Variants in CAMK2D observed in about 807,000 individuals in gnomAD.
The protein encoded by CAMK2D is calcium/calmodulin dependent protein kinase II delta.
In CAMK2D, 37 loss-of-function variants were observed where a neutral mutation model predicts 84.0. That is an observed-to-expected ratio of 0.44 (90% confidence interval 0.34 to 0.58). CAMK2D has a LOEUF of 0.58. CAMK2D is among the 20% of genes least tolerant of loss of function. CAMK2D has a pLI of 0.02. For missense variants in CAMK2D, 448 were observed against 652.5 expected (o/e 0.69, Z 3.41); for synonymous variants, 202 against 212.5 (o/e 0.95, Z 0.43).
rs1285876726 is a variant in CAMK2D, at chr4:113,720,390, A to T, written c.160+38930T>A. Among the ~76,000 whole-genome samples, 4 of 150,830 alleles carry T rather than the reference A, an allele frequency of 2.7e-5. No individual in the cohort carries two copies. In the East Asian group the frequency reaches 5.8e-4, roughly 22 times the overall value. On this transcript the variant is annotated intron_variant, in intron 2 of 20. Transcript: ENST00000511664. ...CTCACACACACACACACACACACAC[A>T]CTCACACATTTTAAAAAAACGCCTT...
chr4:113,531,277 A>G lies in CAMK2D; in HGVS notation c.540T>C (p.Tyr180=), dbSNP rs2154182821. Residue 180 remains tyrosine (Y), a synonymous_variant, in exon 8 of 21, where the codon TAT becomes TAC. Transcript: ENST00000511664. The part of the protein sequence containing the change: ...AWFGFAGTPG[Y]LSPEVLRKDP... Reference sequence around the variant, plus strand: ...CTTTACGTAAAACTTCTGGAGAAAGATATCCAGGTGTGCCAGCAAAACCTA... The same window carrying G: ...CTTTACGTAAAACTTCTGGAGAAAGGTATCCAGGTGTGCCAGCAAAACCTA... The G allele has an allele frequency of 1.3e-6, 2 of 1,599,884 alleles. No individual in the cohort carries two copies. Among genetic ancestry groups the G allele is most frequent in the East Asian group, 2.2e-5 (1 of 44,768 alleles).
rs886190817 is a variant in CAMK2D, at chr4:113,761,394, G to A, written c.-326C>T. On this transcript the variant is annotated 5_prime_UTR_variant, in exon 1 of 21. Transcript: ENST00000511664. ...GCAGGGGGTAAAGTACTCAAGAAGA[G>A]GGGGCCGGGAAATGGAAAAACAGCC... 2 of 1,260,344 alleles carry A rather than the reference G, an allele frequency of 1.6e-6. No individual in the cohort carries two copies. The highest frequency in any genetic ancestry group is 3.0e-5 in the African/African-American group (2 of 65,732). 78.1% of individuals were successfully genotyped at this position (1,260,344 alleles called of 1,614,324 possible). A position where few individuals can be genotyped will look rare whatever the true frequency, so the allele number is the denominator to read the frequency against.
intron 4 of CAMK2D, among the ~76,000 whole-genome samples, chr4:113,580,884 T>A (rs1443369789): frequency 1.5e-5 from 2 of 132,686 alleles, no homozygotes; most frequent in African/African-American, 2.9e-5. Context: ...TCTGTTTTTT[T>A]AAATATATCA....
chr4:113,493,642 A>C (rs2097879405), intron 16 of CAMK2D, among the ~76,000 whole-genome samples: 1 of 151,516 alleles, frequency 6.6e-6, no homozygotes, highest in African/African-American at 2.4e-5. Context: ...CTTCTCGAGG[A>C]GTATCTTTGT....
chr4:113,679,533 C>A, intron 2 of CAMK2D: 2 of 722,646 alleles, frequency 2.8e-6, no homozygotes, highest in Non-Finnish European at 3.4e-6. Flanking sequence ...GTAAAAGAAA[C>A]CCACAGAAAT....
chr4:113,645,038 A>G (rs2099146009), intron 3 of CAMK2D, among the ~76,000 whole-genome samples: 1 of 151,972 alleles, frequency 6.6e-6, no homozygotes, highest in African/African-American at 2.4e-5. Context: ...GTTTTTTGAG[A>G]CGGACTCTCG....
intron 16 of CAMK2D, among the ~76,000 whole-genome samples, chr4:113,471,911 C>T (rs925688346): frequency 1.3e-5 from 2 of 151,112 alleles, no homozygotes; most frequent in African/African-American, 4.9e-5. Flanking sequence ...TTTTTGTCCT[C>T]TAGGGCTTTT....
At chr4:113,479,475 ATAAT>A (rs1331101796) in intron 16 of CAMK2D, among the ~76,000 whole-genome samples, 5 of 152,356 alleles carry the variant, frequency 3.3e-5, no homozygotes, top group East Asian at 1.9e-4. Flanking sequence ...TAGAAACCTC[ATAAT>A]TAATTCATTA....
In CAMK2D at chr4:113,537,414, G is replaced by C; in HGVS notation, c.444C>G (p.Ser148=). ...KPENLLLASK[S]KGAAVKLADF... Reference sequence around the variant, plus strand: ...CTGCCAATTTCACAGCTGCTCCCTTGGATTTGCTAGCTAAAAGCAAATTCT... The same window carrying C: ...CTGCCAATTTCACAGCTGCTCCCTTCGATTTGCTAGCTAAAAGCAAATTCT... Residue 148 remains serine (S), a synonymous_variant, in exon 7 of 21, where the codon TCC becomes TCG. Coordinates refer to ENST00000511664, the MANE Select transcript of CAMK2D (RefSeq NM_001321571.2). The C allele has an allele frequency of 6.2e-7, 1 of 1,611,504 alleles. No homozygotes were observed. The highest frequency in any genetic ancestry group is 8.5e-7 in the Non-Finnish European group (1 of 1,178,074).
At position 113,537,457 on chromosome 4, in the gene CAMK2D, GA is replaced by G. The variant is rs368611529; in HGVS notation, c.415-15del. On this transcript the variant is annotated splice_polypyrimidine_tract_variant and intron_variant, in intron 6 of 20. Transcript: ENST00000511664. ...CAAATTCTCAGGCTTTATTTAGAAA[GA>G]AAAAAAAAGAGACTGAAGTGAGAAC... is the stretch of plus-strand genomic sequence containing the variant. 4,552 of 1,416,784 alleles carry G rather than the reference GA, an allele frequency of 3.2e-3. 111 individuals carry two copies. The African/African-American group carries it at 0.054, about 17-fold the overall frequency. The allele number at this position is 1,416,784 out of a possible 1,614,324, so 87.8% of individuals were successfully genotyped here.
chr4:113,631,231 G>A (rs1468608569), intron 3 of CAMK2D, among the ~76,000 whole-genome samples: 5 of 152,124 alleles, frequency 3.3e-5, no homozygotes, highest in Non-Finnish European at 7.4e-5. Context: ...TGAGATTGTA[G>A]ACTGAATATG....
chr4:113,661,794 T>G, intron 2 of CAMK2D, 22 bp from the exon 3 acceptor site: 3 of 1,323,974 alleles, frequency 2.3e-6, no homozygotes, highest in Non-Finnish European at 3.1e-6. Context: ...AAAAACAGAA[T>G]AAGGCAAAAA....
rs944993810 is a variant in CAMK2D at position 113,510,466 on chromosome 4, G to T, written c.947-791C>A. On this transcript the variant is annotated intron_variant, in intron 12 of 20. Transcript: ENST00000511664. The stretch of plus-strand genomic sequence containing the variant: ...CTTATATGAAACTTCATTTTTTTTG[G>T]AAGGGAGCTTTTAACATTCCTTCTG... Among the ~76,000 whole-genome samples, 5 of 152,004 alleles carry T rather than the reference G, an allele frequency of 3.3e-5. No individual in the cohort carries two copies. The East Asian group carries it at 9.7e-4, about 29-fold the overall frequency.
At chr4:113,629,139 A>G (rs1330475787) in intron 3 of CAMK2D, among the ~76,000 whole-genome samples, 1 of 152,132 alleles carries the variant, frequency 6.6e-6, no homozygotes, top group Non-Finnish European at 1.5e-5. Flanking sequence ...AACACAAAGA[A>G]TAATGAGGAA....
rs1292130453 is a variant in CAMK2D, at chr4:113,515,058, G to A, written c.819+11C>T. On this transcript the variant is annotated intron_variant, in intron 10 of 20. Transcript: ENST00000511664. ...TTTTAGTTCTTGAAGTTTTGGAGAA[G>A]TTTTACTTACACAGATCCATGGGTG... 1.2e-6 allele frequency: 2 copies of A among 1,612,266 alleles called. No homozygotes were observed. The highest frequency in any genetic ancestry group is 3.3e-5 in the Admixed American group (2 of 59,962).
At chr4:113,582,018 T>C (rs2098812819) in intron 4 of CAMK2D, among the ~76,000 whole-genome samples, 1 of 152,180 alleles carries the variant, frequency 6.6e-6, no homozygotes, top group African/African-American at 2.4e-5. Flanking sequence ...TCCTTCTGAT[T>C]GGCTTCTTTT....
At position 113,537,457 on chromosome 4, in the gene CAMK2D, G is replaced by T. The variant is rs1553937453; in HGVS notation, c.415-14C>A. 7.1e-7 allele frequency: 1 copy of T among 1,417,372 alleles called. No homozygotes were observed. Among genetic ancestry groups the T allele is most frequent in the Non-Finnish European group, 9.8e-7 (1 of 1,019,266 alleles). The allele number at this position is 1,417,372 out of a possible 1,614,324, so 87.8% of individuals were successfully genotyped here. ...CAAATTCTCAGGCTTTATTTAGAAA[G>T]AAAAAAAAAGAGACTGAAGTGAGAA... On this transcript the variant is annotated splice_polypyrimidine_tract_variant and intron_variant, in intron 6 of 20. Transcript: ENST00000511664.
intron 2 of CAMK2D, among the ~76,000 whole-genome samples, chr4:113,684,026 C>G (rs938026979): frequency 1.1e-4 from 17 of 152,300 alleles, no homozygotes; most frequent in Admixed American, 5.2e-4. Context: ...ACAGCACCTA[C>G]CTCATGGAAT....
chr4:113,497,440 A>G (rs192230386), intron 16 of CAMK2D, among the ~76,000 whole-genome samples: 13 of 152,328 alleles, frequency 8.5e-5, no homozygotes, highest in African/African-American at 2.9e-4. Flanking sequence ...GCTGAAGGAA[A>G]ATGGGCCTTT....
Sources: gnomAD v4.1 joint callset for allele counts (sites outside exome capture counted in the v4.1 genomes callset) on GRCh38, gnomAD v4.1.1 for gene constraint, MANE v1.5 for transcripts, NCBI Gene and HGNC (gene_info 2026-07-23, HGNC 2026-07-21) for gene names.